LYPD3: variants seen among roughly 807,000 people sequenced by gnomAD.
LYPD3 encodes ly6/PLAUR domain-containing protein 3.
Under a neutral mutation model 21.7 loss-of-function variants are expected in LYPD3, and 22 were observed. That is an observed-to-expected ratio of 1.01 (90% CI 0.72 to 1.45). LYPD3 has a LOEUF of 1.45. Among genes scored for constraint, LYPD3 ranks in the 40% most tolerant of loss-of-function variants. The pLI, the probability that LYPD3 is intolerant of heterozygous loss-of-function variation, is 0.00. For missense variants in LYPD3, 471 were observed against 466.9 expected, an observed-to-expected ratio of 1.01 and a Z score of -0.08; for synonymous variants, 179 against 203.0, an observed-to-expected ratio of 0.88 and a Z score of 1.00.
Position 43,461,365 on chromosome 19 carries a change from C to G in LYPD3, c.1027G>C (p.Gly343Arg), listed in dbSNP as rs751083308. The change falls in exon 5 of 5, where the codon GGT becomes CGT. Residue 343 changes from glycine (G) to arginine (R), a missense_variant. Gly to Arg is a moderately radical substitution (Grantham distance 125, BLOSUM62 -2). Transcript: ENST00000244333. ...LAALLLAVAA[G>R]VLL ...GGTGGAGAAGCTCACAGTAGGACACCAGCAGCCACGGCCAACAGAAGGGCT... is the reference window on the plus strand; with the variant it reads ...GGTGGAGAAGCTCACAGTAGGACACGAGCAGCCACGGCCAACAGAAGGGCT... 1 of 1,603,786 alleles carries G rather than the reference C, an allele frequency of 6.2e-7. No individual in the cohort carries two copies. Among genetic ancestry groups the G allele is most frequent in the Non-Finnish European group, 8.5e-7 (1 of 1,173,746 alleles).
rs1970794996 is a variant in LYPD3, at chr19:43,463,655, G to A, written c.326C>T (p.Ala109Val). ...LLAFIQLQQC[A>V]QDRCNAKLNL... is the part of the protein sequence containing the mutation. ...GAGCTTGGCGTTGCAGCGATCCTGA[G>A]CGCATTGCTGCAGCTGGATGAACGC... The change falls in exon 3 of 5, where the codon GCT (alanine) becomes GTT (valine). Residue 109 changes from alanine (A) to valine (V), a missense_variant. By Grantham distance (64) the Ala-to-Val change is moderately conservative. Coordinates refer to ENST00000244333, the MANE Select transcript of LYPD3 (RefSeq NM_014400.3). The A allele has an allele frequency of 4.4e-6, 7 of 1,608,352 alleles. No homozygotes were observed. The highest frequency in any genetic ancestry group is 4.2e-6 in the Non-Finnish European group (5 of 1,179,998).
Position 43,464,548 on chromosome 19 carries a change from G to A in LYPD3, c.80-92C>T, listed in dbSNP as rs550087421. 168 of 1,533,746 alleles carry A rather than the reference G, an allele frequency of 1.1e-4. 1 individual carries two copies. The Middle Eastern group carries it at 1.7e-3, about 15-fold the overall frequency. On this transcript the variant is annotated intron_variant, in intron 1 of 4. Coordinates refer to ENST00000244333, the MANE Select transcript of LYPD3 (RefSeq NM_014400.3). ...GTCCTTCCCATGCCCTCTGTCCCGGGATTAGACAGTCTTATTGCACACACT... is the reference window on the plus strand; with the variant it reads ...GTCCTTCCCATGCCCTCTGTCCCGGAATTAGACAGTCTTATTGCACACACT...
At position 43,461,652 on chromosome 19, in the gene LYPD3, G is replaced by C; in HGVS notation, c.740C>G (p.Thr247Arg). Residue 247 changes from threonine to arginine, a missense_variant, in exon 5 of 5, where the codon ACG becomes AGG. By Grantham distance (71) the Thr-to-Arg change is moderately conservative. Transcript: ENST00000244333. Reference protein sequence around the residue: ...PLVRLPPPEPTTVASTTSVTT... With the variant: ...PLVRLPPPEPRTVASTTSVTT... Reference sequence around the variant, plus strand: ...GACAGATGTGGTTGAGGCCACAGTCGTGGGCTCTGGAGGGGGCAGCCGGAC... The same window carrying C: ...GACAGATGTGGTTGAGGCCACAGTCCTGGGCTCTGGAGGGGGCAGCCGGAC... 1 of 1,614,110 alleles carries C rather than the reference G, an allele frequency of 6.2e-7. No homozygotes were observed. The highest frequency in any genetic ancestry group is 1.3e-5 in the African/African-American group (1 of 74,982).
intron 3 of LYPD3, 90 bp from the exon 4 acceptor site, chr19:43,463,377 G>T (rs776487728): frequency 1.4e-6 from 2 of 1,478,876 alleles, no homozygotes; most frequent in African/African-American, 2.8e-5. Context: ...GCCTGGCCCC[G>T]GCACTATCGA....
chr19:43,464,205 G>T, intron 2 of LYPD3, 120 bp downstream of exon 2: 1 of 1,349,904 alleles, frequency 7.4e-7, no homozygotes, highest in Non-Finnish European at 1.0e-6. Context: ...CGGCCAGGCT[G>T]AAAGGGAGGG....
chr19:43,461,765 G>A lies in LYPD3; in HGVS notation c.627C>T (p.Phe209=), dbSNP rs2122413526. 2 of 1,614,158 alleles carry A rather than the reference G, an allele frequency of 1.2e-6. No individual in the cohort carries two copies. The highest frequency in any genetic ancestry group is 1.7e-6 in the Non-Finnish European group (2 of 1,180,040). The change falls in exon 5 of 5, where the codon TTC becomes TTT. Residue 209 remains phenylalanine, a synonymous_variant. Transcript: ENST00000244333. ...CTRDGVTGPG[F]TLSGSCCQGS... ...CCTGGCAACAGGAGCCACTGAGCGT[G>A]AACCCTGGGCCTGTTACTCCATCCC...
In LYPD3 at chr19:43,461,763, G is replaced by A. The variant is rs150547456; in HGVS notation, c.629C>T (p.Thr210Met). Residue 210 changes from threonine to methionine, a missense_variant, in exon 5 of 5, where the codon ACG becomes ATG. Coordinates refer to ENST00000244333, the MANE Select transcript of LYPD3 (RefSeq NM_014400.3). ...CCCCTGGCAACAGGAGCCACTGAGC[G>A]TGAACCCTGGGCCTGTTACTCCATC... ...TRDGVTGPGF[T>M]LSGSCCQGSR... is the part of the protein sequence containing the mutation. 77 of 1,614,184 alleles carry A rather than the reference G, an allele frequency of 4.8e-5. No individual in the cohort carries two copies. The highest frequency in any genetic ancestry group is 3.3e-4 in the East Asian group (15 of 44,878).
At chr19:43,463,325 G>A (rs755287804) in intron 3 of LYPD3, 38 bp from the exon 4 acceptor site, 1 of 1,596,988 alleles carries the variant, frequency 6.3e-7, no homozygotes, top group Non-Finnish European at 8.5e-7. Context: ...GGTGTCGAAA[G>A]GGTTCGGGAA....
At chr19:43,465,066 C>T (rs1461654844) in intron 1 of LYPD3, among the ~76,000 whole-genome samples, 2 of 151,924 alleles carry the variant, frequency 1.3e-5, no homozygotes, top group East Asian at 3.9e-4. Flanking sequence ...GTAGCTGGGA[C>T]TACAGGCTCG....
chr19:43,465,392 G>T, intron 1 of LYPD3, 101 bp downstream of exon 1: 1 of 1,368,490 alleles, frequency 7.3e-7, no homozygotes, highest in Non-Finnish European at 1.0e-6. Context: ...CTCTGCTTAT[G>T]TGGGGATCCT....
intron 3 of LYPD3, 125 bp from the exon 4 acceptor site, chr19:43,463,412 C>G: frequency 2.2e-6 from 3 of 1,376,114 alleles, no homozygotes; most frequent in South Asian, 2.5e-5. Context: ...AGTAGCCCCG[C>G]CCCAGCGCGC....
At position 43,463,770 on chromosome 19, in the gene LYPD3, C is replaced by G; in HGVS notation, c.212-1G>C. 1.9e-6 allele frequency: 3 copies of G among 1,612,686 alleles called. No homozygotes were observed. The highest frequency in any genetic ancestry group is 2.5e-6 in the Non-Finnish European group (3 of 1,179,994). ...ACTGCCAGCGAGAATTGTCCGTGGA[C>G]TAGGGAGAGGGACAAGGGCGGGATT... On this transcript the variant is annotated splice_acceptor_variant, in intron 2 of 4. Transcript: ENST00000244333. LOFTEE classifies it high-confidence loss of function.
At chr19:43,464,952 A>G (rs1386345343) in intron 1 of LYPD3, among the ~76,000 whole-genome samples, 1 of 86,886 alleles carries the variant, frequency 1.2e-5, no homozygotes, top group African/African-American at 4.2e-5. Flanking sequence ...TTTTTTTGAG[A>G]CGGAGTCTCG....
Position 43,463,274 on chromosome 19 carries a change from T to C in LYPD3, c.396A>G (p.Ala132=), listed in dbSNP as rs760352705. ...RALDPAGNES[A]YPPNGVECYS... The stretch of plus-strand genomic sequence containing the variant: ...AGCACTCCACGCCGTTGGGCGGGTA[T>C]GCACTCTCATTACCTGCGAGGGGAG... Residue 132 remains alanine (A), a synonymous_variant, in exon 4 of 5, where the codon GCA becomes GCG. Transcript: ENST00000244333. 5 of 1,602,680 alleles carry C rather than the reference T, an allele frequency of 3.1e-6. No individual in the cohort carries two copies. The highest frequency in any genetic ancestry group is 2.5e-6 in the Non-Finnish European group (3 of 1,179,956).
intron 4 of LYPD3, among the ~76,000 whole-genome samples, chr19:43,462,217 T>C (rs1970781960): frequency 6.6e-6 from 1 of 152,112 alleles, no homozygotes; most frequent in Non-Finnish European, 1.5e-5. Flanking sequence ...GAACCAAAAG[T>C]AGGGTTTAAA....
Position 43,463,222 on chromosome 19 carries a change from C to G in LYPD3, c.448G>C (p.Ala150Pro). 6.2e-7 allele frequency: 1 copy of G among 1,608,844 alleles called. No individual in the cohort carries two copies. Among genetic ancestry groups the G allele is most frequent in the South Asian group, 1.1e-5 (1 of 91,090 alleles). Reference sequence around the variant, plus strand: ...ACCGGCGGCGATGTACCCTGGCACGCCTCCCGGCTCAGGCCCACACAGCTG... The same window carrying G: ...ACCGGCGGCGATGTACCCTGGCACGGCTCCCGGCTCAGGCCCACACAGCTG... ...CYSCVGLSREACQGTSPPVVS... is the reference protein window; with the variant it reads ...CYSCVGLSREPCQGTSPPVVS... The change falls in exon 4 of 5, where the codon GCG becomes CCG. Residue 150 changes from alanine (A) to proline (P), a missense_variant. By Grantham distance (27) the Ala-to-Pro change is conservative. Coordinates refer to ENST00000244333, the MANE Select transcript of LYPD3 (RefSeq NM_014400.3).
intron 3 of LYPD3, 123 bp downstream of exon 3, chr19:43,463,476 C>T (rs1319186381): frequency 2.8e-6 from 4 of 1,403,540 alleles, no homozygotes; most frequent in East Asian, 5.0e-5. Flanking sequence ...TTGGCCCCGC[C>T]CCAGAGTGTG....
At position 43,464,125 on chromosome 19, in the gene LYPD3, ACT is replaced by A. The variant is rs539054661; in HGVS notation, c.211+198_211+199del. 742 of 776,846 alleles carry A rather than the reference ACT, an allele frequency of 9.6e-4. 10 individuals are homozygous for A. The East Asian group carries it at 0.018, about 19-fold the overall frequency. The allele number at this position is 776,846 out of a possible 1,614,324, so 48.1% of individuals were successfully genotyped here. ...CCCCGTCCGCCCCACCCAGTTCTCAACTCTCTGCTCCTCGCGCTTGTAATTGT... is the reference window on the plus strand; with the variant it reads ...CCCCGTCCGCCCCACCCAGTTCTCAACTCTGCTCCTCGCGCTTGTAATTGT... On this transcript the variant is annotated intron_variant, in intron 2 of 4. Coordinates refer to ENST00000244333, the MANE Select transcript of LYPD3 (RefSeq NM_014400.3).
rs1970779054 is a variant in LYPD3, at chr19:43,461,848, C to A, written c.545-1G>T. 1.2e-6 allele frequency: 2 copies of A among 1,602,518 alleles called. No homozygotes were observed. The highest frequency in any genetic ancestry group is 1.7e-5 in the Admixed American group (1 of 59,758). On this transcript the variant is annotated splice_acceptor_variant, in intron 4 of 4. Transcript: ENST00000244333. LOFTEE classifies it high-confidence loss of function. ...ACAGGCAAGGACACAGTCACATTAG[C>A]TGCAGGAAGGAGACACAGATAGGTC...
Sources: allele counts gnomAD v4.1 joint callset (sites outside exome capture counted in the v4.1 genomes callset), GRCh38; gene constraint gnomAD v4.1.1; transcripts MANE v1.5; gene names NCBI Gene and HGNC (gene_info 2026-07-23, HGNC 2026-07-21).